Variants in MRPS28 observed in about 807,000 individuals in gnomAD.
MRPS28 encodes small ribosomal subunit protein bS1m.
In MRPS28, 7 loss-of-function variants were observed where a neutral mutation model predicts 10.8. The observed-to-expected ratio is 0.65, with a 90% CI of 0.37 to 1.22. MRPS28 has a LOEUF of 1.22. Ranked by LOEUF, MRPS28 falls within the 50% of genes most tolerant of loss-of-function variation. MRPS28 has a pLI of 0.02. For missense variants in MRPS28, 265 were observed against 232.9 expected, an observed-to-expected ratio of 1.14 and a Z score of -0.90; for synonymous variants, 121 against 93.3, an observed-to-expected ratio of 1.30 and a Z score of -1.71.
intron 1 of MRPS28, among the ~76,000 whole-genome samples, chr8:80,022,586 G>A (rs1809395236): frequency 2.0e-5 from 3 of 152,190 alleles, no homozygotes; most frequent in South Asian, 4.1e-4. Context: ...GTCAACAATG[G>A]AATCTCCAAA....
At chr8:80,002,080 T>C (rs1808673625) in intron 2 of MRPS28, among the ~76,000 whole-genome samples, 1 of 152,152 alleles carries the variant, frequency 6.6e-6, no homozygotes, top group South Asian at 2.1e-4. Context: ...GTCTCTAAAT[T>C]GGGTAAGACC....
At chr8:79,984,949 C>T (rs1021171375) in intron 2 of MRPS28, among the ~76,000 whole-genome samples, 3 of 152,184 alleles carry the variant, frequency 2.0e-5, no homozygotes, top group Admixed American at 6.5e-5. Flanking sequence ...CAGAATTCTC[C>T]ACCCCAAATC....
intron 1 of MRPS28, among the ~76,000 whole-genome samples, chr8:80,006,877 T>C (rs1357054617): frequency 2.6e-5 from 4 of 152,216 alleles, no homozygotes; most frequent in South Asian, 2.1e-4. Context: ...TCTGAAACTA[T>C]TTCAATCAAT....
rs779967149 is a variant in MRPS28 at position 79,919,065 on chromosome 8, G to T, written c.479C>A (p.Thr160Lys). ...AACTGCATTAGCCTCTAGTACAGTT[G>T]TATCTGTTGTTGCTCCCAGGAACCT... is the stretch of plus-strand genomic sequence containing the variant. ...TSRFLGATTD[T>K]TVLEANAVLL... The change falls in exon 3 of 3, where the codon ACA becomes AAA. Residue 160 changes from threonine to lysine, a missense_variant. Transcript: ENST00000276585. 2 of 1,611,014 alleles carry T rather than the reference G, an allele frequency of 1.2e-6. No individual in the cohort carries two copies. The highest frequency in any genetic ancestry group is 1.7e-6 in the Non-Finnish European group (2 of 1,178,694).
chr8:79,922,601 G>A (rs929122410), intron 2 of MRPS28, among the ~76,000 whole-genome samples: 1 of 143,354 alleles, frequency 7.0e-6, no homozygotes, highest in African/African-American at 2.5e-5. Context: ...ATTTTTATTA[G>A]TTAAAAAATA....
intron 1 of MRPS28, among the ~76,000 whole-genome samples, chr8:80,016,129 A>G (rs1046185081): frequency 6.6e-6 from 1 of 152,196 alleles, no homozygotes; most frequent in African/African-American, 2.4e-5. Flanking sequence ...TGAAACAATA[A>G]TGACTAAGAC....
At chr8:79,982,796 G>C (rs1808006212) in intron 2 of MRPS28, among the ~76,000 whole-genome samples, 1 of 152,206 alleles carries the variant, frequency 6.6e-6, no homozygotes. Flanking sequence ...CACAGCTCAA[G>C]GAGGCCTTCC....
At chr8:80,007,881 C>G (rs1470379022) in intron 1 of MRPS28, among the ~76,000 whole-genome samples, 4 of 152,150 alleles carry the variant, frequency 2.6e-5, no homozygotes, top group African/African-American at 9.7e-5. Flanking sequence ...CCATCCCCAT[C>G]AAGCTACCAA....
At chr8:79,949,353 G>A (rs1807017181) in intron 2 of MRPS28, among the ~76,000 whole-genome samples, 2 of 151,414 alleles carry the variant, frequency 1.3e-5, no homozygotes, top group South Asian at 4.2e-4. Context: ...GGCAGAGGTT[G>A]CAGTGAGCCG....
At chr8:79,939,610 G>A (rs979347100) in intron 2 of MRPS28, among the ~76,000 whole-genome samples, 1 of 152,016 alleles carries the variant, frequency 6.6e-6, no homozygotes, top group Non-Finnish European at 1.5e-5. Context: ...CTCAATTTCC[G>A]ACATGGTTTT....
chr8:79,983,391 C>T (rs1201818744), intron 2 of MRPS28, among the ~76,000 whole-genome samples: 3 of 152,282 alleles, frequency 2.0e-5, no homozygotes, highest in Non-Finnish European at 2.9e-5. Context: ...AGGAACGCAG[C>T]TCCTCACCAG....
intron 2 of MRPS28, among the ~76,000 whole-genome samples, chr8:79,927,956 G>A (rs1806338119): frequency 6.6e-6 from 1 of 152,110 alleles, no homozygotes; most frequent in Admixed American, 6.6e-5. Context: ...GGGTCAACCA[G>A]GGAGCAGAAG....
intron 2 of MRPS28, among the ~76,000 whole-genome samples, chr8:79,925,558 GA>G (rs1328678861): frequency 2.0e-5 from 3 of 152,140 alleles, no homozygotes; most frequent in African/African-American, 7.2e-5. Flanking sequence ...TATAAAATGT[GA>G]AAATGGAGGA....
rs989586611 is a variant in MRPS28 at position 79,919,099 on chromosome 8, G to A, written c.445C>T (p.Leu149Phe). 1.2e-5 allele frequency: 20 copies of A among 1,608,462 alleles called. No homozygotes were observed. Among genetic ancestry groups the A allele is most frequent in the Admixed American group, 1.7e-5 (1 of 59,178 alleles). Reference protein sequence around the residue: ...RVRLRLLDLELTSRFLGATTD... With the variant: ...RVRLRLLDLEFTSRFLGATTD... Reference sequence around the variant, plus strand: ...GTTGCTCCCAGGAACCTAGACGTAAGTTCAAGATCTAATAGCCGCAACCGG... The same window carrying A: ...GTTGCTCCCAGGAACCTAGACGTAAATTCAAGATCTAATAGCCGCAACCGG... Residue 149 changes from leucine to phenylalanine, a missense_variant, in exon 3 of 3, where the codon CTT becomes TTT. By Grantham distance (22) the Leu-to-Phe change is conservative. Coordinates refer to ENST00000276585, the MANE Select transcript of MRPS28 (RefSeq NM_014018.3).
intron 2 of MRPS28, among the ~76,000 whole-genome samples, chr8:79,971,399 T>C (rs1385126553): frequency 6.6e-6 from 1 of 152,170 alleles, no homozygotes; most frequent in African/African-American, 2.4e-5. Flanking sequence ...TCAATGGCTT[T>C]TGGTATAGTC....
intron 2 of MRPS28, among the ~76,000 whole-genome samples, chr8:79,970,876 T>A (rs1807613355): frequency 1.3e-5 from 2 of 152,222 alleles, no homozygotes; most frequent in African/African-American, 4.8e-5. Context: ...TTAGCATGTT[T>A]TATAAAGAAA....
At chr8:79,951,976 C>G (rs895615080) in intron 2 of MRPS28, among the ~76,000 whole-genome samples, 2 of 152,178 alleles carry the variant, frequency 1.3e-5, no homozygotes, top group Non-Finnish European at 1.5e-5. Context: ...TTGTTTAAAA[C>G]AGTTAAGGTA....
chr8:79,979,956 T>A (rs914725009), intron 2 of MRPS28, among the ~76,000 whole-genome samples: 6 of 150,698 alleles, frequency 4.0e-5, no homozygotes, highest in African/African-American at 1.5e-4. Context: ...CTCTATCTTT[T>A]TAAGCCACAA....
At chr8:80,005,025 G>C (rs529713259) in intron 1 of MRPS28, among the ~76,000 whole-genome samples, 1 of 152,358 alleles carries the variant, frequency 6.6e-6, no homozygotes, top group South Asian at 2.1e-4. Flanking sequence ...GTACCCAAAA[G>C]TGACGGGGAG....
Sources: allele counts gnomAD v4.1 joint callset (sites outside exome capture counted in the v4.1 genomes callset), GRCh38; gene constraint gnomAD v4.1.1; transcripts MANE v1.5; gene names NCBI Gene and HGNC (gene_info 2026-07-23, HGNC 2026-07-21).